CNBD1: variants seen among roughly 807,000 people sequenced by gnomAD.
CNBD1 encodes cyclic nucleotide binding domain containing 1, also known as cyclic nucleotide-binding domain-containing protein 1.
Under a neutral mutation model 54.4 loss-of-function variants are expected in CNBD1, and 71 were observed. The ratio of observed to expected loss-of-function variants is 1.30; its 90% CI spans 1.08 to 1.59. CNBD1 has a LOEUF of 1.59. Among genes scored for constraint, CNBD1 ranks in the 40% most tolerant of loss-of-function variants. CNBD1 has a pLI of 0.00. For synonymous variants in CNBD1, 182 were observed against 170.7 expected (o/e 1.07, Z -0.51); for missense variants, 659 against 518.0 (o/e 1.27, Z -2.64).
chr8:87,017,461 T>C (rs925711995), intron 4 of CNBD1, among the ~76,000 whole-genome samples: 2 of 152,166 alleles, frequency 1.3e-5, no homozygotes, highest in African/African-American at 4.8e-5. Context: ...TGATGGGGCA[T>C]TTACTGCTTT....
At chr8:86,990,568 G>C (rs1380343454) in intron 4 of CNBD1, among the ~76,000 whole-genome samples, 3 of 152,158 alleles carry the variant, frequency 2.0e-5, no homozygotes, top group Non-Finnish European at 4.4e-5. Context: ...TTTTATGCCA[G>C]TACCAGGCTG....
chr8:87,084,630 C>A (rs779447733), intron 4 of CNBD1, among the ~76,000 whole-genome samples: 1 of 151,248 alleles, frequency 6.6e-6, no homozygotes, highest in Non-Finnish European at 1.5e-5. Context: ...CTTTTAAAAC[C>A]TTTTCTTTAG....
chr8:87,427,427 C>G (rs1236425121), intron 2 of CNBD1, among the ~76,000 whole-genome samples: 2 of 151,924 alleles, frequency 1.3e-5, no homozygotes, highest in Admixed American at 6.6e-5. Flanking sequence ...AATAGGTTTA[C>G]CGATATGTAG....
At chr8:87,036,888 G>A (rs1440412311) in intron 4 of CNBD1, among the ~76,000 whole-genome samples, 1 of 152,096 alleles carries the variant, frequency 6.6e-6, no homozygotes, top group Non-Finnish European at 1.5e-5. Flanking sequence ...TTACACAGCT[G>A]TCATCCTAAG....
intron 2 of CNBD1, among the ~76,000 whole-genome samples, chr8:87,423,751 T>A (rs1385666089): frequency 6.6e-6 from 1 of 151,776 alleles, no homozygotes; most frequent in Non-Finnish European, 1.5e-5. Context: ...TTTGGTTGTG[T>A]CTCTGCCCGG....
At chr8:86,918,949 G>A (rs1214987592) in intron 3 of CNBD1, among the ~76,000 whole-genome samples, 2 of 151,468 alleles carry the variant, frequency 1.3e-5, no homozygotes, top group Non-Finnish European at 2.9e-5. Flanking sequence ...CTATGTTCAT[G>A]TGAACACATT....
chr8:87,142,001 C>A (rs972613201), intron 4 of CNBD1, among the ~76,000 whole-genome samples: 1 of 152,136 alleles, frequency 6.6e-6, no homozygotes, highest in Non-Finnish European at 1.5e-5. Context: ...AAACAGAATT[C>A]ATTGCATAAA....
At chr8:86,937,180 C>T (rs1171248208) in intron 3 of CNBD1, among the ~76,000 whole-genome samples, 2 of 152,134 alleles carry the variant, frequency 1.3e-5, no homozygotes. Context: ...CAGGCAAAGA[C>T]AGAACTTGTG....
intron 2 of CNBD1, among the ~76,000 whole-genome samples, chr8:87,412,886 G>A (rs1807772003): frequency 6.6e-6 from 1 of 152,058 alleles, no homozygotes; most frequent in Admixed American, 6.6e-5. Context: ...CATGCGAAAA[G>A]AAGGAATAGA....
intron 6 of CNBD1, among the ~76,000 whole-genome samples, chr8:87,282,883 G>T (rs1808623941): frequency 6.6e-6 from 1 of 152,000 alleles, no homozygotes; most frequent in African/African-American, 2.4e-5. Flanking sequence ...AAGATTAGGA[G>T]AATATACCAA....
At chr8:87,331,912 G>GT (rs1329683697) in intron 8 of CNBD1, among the ~76,000 whole-genome samples, 3 of 151,888 alleles carry the variant, frequency 2.0e-5, no homozygotes, top group Non-Finnish European at 2.9e-5. Context: ...ATGGGGTTTT[G>GT]TTTTTTTCTT....
chr8:87,386,647 T>A (rs559426035), downstream of CNBD1, among the ~76,000 whole-genome samples: 9 of 152,220 alleles, frequency 5.9e-5, no homozygotes, highest in South Asian at 1.9e-3. Context: ...TACCTGAAAG[T>A]GATGGGGAGA....
intron 4 of CNBD1, among the ~76,000 whole-genome samples, chr8:86,945,439 T>G (rs975637965): frequency 2.0e-5 from 3 of 152,164 alleles, no homozygotes; most frequent in African/African-American, 7.2e-5. Flanking sequence ...ATTCAGGCTG[T>G]TTAAAATCCA....
At chr8:86,888,575 G>C (rs1288908165) in intron 2 of CNBD1, among the ~76,000 whole-genome samples, 1 of 152,042 alleles carries the variant, frequency 6.6e-6, no homozygotes, top group African/African-American at 2.4e-5. Context: ...CACTTTAAAG[G>C]GTTACTAGGA....
chr8:87,347,734 G>A (rs558740193), intron 8 of CNBD1, among the ~76,000 whole-genome samples: 1 of 152,116 alleles, frequency 6.6e-6, no homozygotes, highest in African/African-American at 2.4e-5. Context: ...TCCTTGATCT[G>A]TAGATGGCTC....
chr8:87,422,221 G>C (rs1414137439), intron 2 of CNBD1, among the ~76,000 whole-genome samples: 2,178 of 146,718 alleles, frequency 0.015, 71 homozygotes, highest in African/African-American at 0.052. Flanking sequence ...CCATTTTGTA[G>C]GTTGCCTGTT....
intron 4 of CNBD1, among the ~76,000 whole-genome samples, chr8:86,963,378 C>T (rs1048488622): frequency 4.6e-5 from 7 of 152,142 alleles, no homozygotes; most frequent in Admixed American, 2.6e-4. Flanking sequence ...CTGTGCCCTT[C>T]GACTCCCGCT....
At chr8:87,171,448 T>TA (rs199530874) in intron 4 of CNBD1, among the ~76,000 whole-genome samples, 2,853 of 151,032 alleles carry the variant, frequency 0.019, 74 homozygotes, top group African/African-American at 0.064. Context: ...ATTTTATCTT[T>TA]AAAAAAAAAC....
intron 4 of CNBD1, among the ~76,000 whole-genome samples, chr8:87,181,220 A>T (rs1336795123): frequency 6.6e-6 from 1 of 152,188 alleles, no homozygotes; most frequent in Admixed American, 6.5e-5. Flanking sequence ...TTTTAAAAAT[A>T]TATTTTCTTA....
Sources: allele counts gnomAD v4.1 joint callset (sites outside exome capture counted in the v4.1 genomes callset), GRCh38; gene constraint gnomAD v4.1.1; transcripts MANE v1.5; gene names NCBI Gene and HGNC (gene_info 2026-07-23, HGNC 2026-07-21).